MEGF10: variants seen among roughly 807,000 people sequenced by gnomAD.
MEGF10 encodes multiple EGF like domains 10.
Under a neutral mutation model 147.5 loss-of-function variants are expected in MEGF10, and 86 were observed. The ratio of observed to expected loss-of-function variants is 0.58; its 90% confidence interval spans 0.49 to 0.70. The LOEUF is 0.70. Ranked by LOEUF, MEGF10 falls within the 30% of genes least tolerant of loss-of-function variation. The probability of loss-of-function intolerance (pLI) is 0.00; values close to 1 mark genes in which losing one functional copy is unlikely to be tolerated. For missense variants in MEGF10, 1,329 were observed against 1,487.3 expected, an observed-to-expected ratio of 0.89 and a Z score of 1.75; for synonymous variants, 478 against 525.5, an observed-to-expected ratio of 0.91 and a Z score of 1.24.
intron 5 of MEGF10, among the ~76,000 whole-genome samples, chr5:127,379,748 C>T (rs1179396717): frequency 6.6e-6 from 1 of 151,912 alleles, no homozygotes; most frequent in Non-Finnish European, 1.5e-5. Context: ...TACAGGCGCC[C>T]ACCACCATGC....
At chr5:127,447,434 C>T in intron 20 of MEGF10, 123 bp from the exon 21 acceptor site, 3 of 1,346,250 alleles carry the variant, frequency 2.2e-6, no homozygotes, top group East Asian at 2.4e-5. Flanking sequence ...GCCTTGGCCT[C>T]CCAAAGTGCT....
the MEGF10 span, among the ~76,000 whole-genome samples, chr5:127,270,259 A>T: frequency 1.3e-5 from 2 of 152,228 alleles, no homozygotes; most frequent in Non-Finnish European, 2.9e-5. Flanking sequence ...AAATGGGCTA[A>T]ATGCTCCAAT....
chr5:127,264,598 C>G, the MEGF10 span, among the ~76,000 whole-genome samples: 1 of 152,098 alleles, frequency 6.6e-6, no homozygotes, highest in Non-Finnish European at 1.5e-5. Flanking sequence ...CTATGTTGCA[C>G]TCTCCATCAG....
the MEGF10 span, among the ~76,000 whole-genome samples, chr5:127,231,981 G>A: frequency 6.6e-6 from 1 of 152,240 alleles, no homozygotes; most frequent in Non-Finnish European, 1.5e-5. Flanking sequence ...CAGACACTGT[G>A]ATGGAGTTTA....
the MEGF10 span, among the ~76,000 whole-genome samples, chr5:127,233,185 G>C: frequency 1.3e-5 from 2 of 152,190 alleles, no homozygotes; most frequent in Non-Finnish European, 2.9e-5. Flanking sequence ...TGGAAGCCCT[G>C]TTGCCAAGGG....
the MEGF10 span, among the ~76,000 whole-genome samples, chr5:127,244,308 T>A: frequency 6.7e-6 from 1 of 149,372 alleles, no homozygotes; most frequent in Admixed American, 6.7e-5. Flanking sequence ...GAAATAGTAT[T>A]ATTGGGCTAT....
chr5:127,366,496 C>T lies in MEGF10; in HGVS notation c.320-3414C>T, dbSNP rs970617666. Among the ~76,000 whole-genome samples the T allele has an allele frequency of 2.6e-5, 4 of 152,158 alleles. No homozygotes were observed. In the South Asian group the frequency reaches 8.3e-4, roughly 32 times the overall value. ...CATTATTTGCCTTTAGGCATCAATG[C>T]TCAGAGGTGATTCCATTGGCTTTAG... On this transcript the variant is annotated intron_variant, in intron 4 of 24. Transcript: ENST00000503335.
chr5:127,244,367 G>GA, the MEGF10 span, among the ~76,000 whole-genome samples: 5,267 of 105,372 alleles, frequency 0.05, 121 homozygotes, highest in Non-Finnish European at 0.067. Context: ...GCGAGACTCC[G>GA]AAAAAAAAAA....
At chr5:127,244,281 G>A in the MEGF10 span, among the ~76,000 whole-genome samples, 128 of 148,916 alleles carry the variant, frequency 8.6e-4, no homozygotes, top group Non-Finnish European at 1.6e-3. Flanking sequence ...CAAGAGGCAG[G>A]AAAGATGAAA....
At chr5:127,292,874 G>A (rs1490406527) in intron 1 of MEGF10, among the ~76,000 whole-genome samples, 2 of 145,126 alleles carry the variant, frequency 1.4e-5, no homozygotes, top group South Asian at 2.2e-4. Flanking sequence ...TTTAAAAATG[G>A]CTATGCATGA....
chr5:127,431,120 G>A (rs1765375765), intron 13 of MEGF10, among the ~76,000 whole-genome samples: 3 of 152,126 alleles, frequency 2.0e-5, no homozygotes, highest in Admixed American at 1.3e-4. Context: ...GCTATAGGGT[G>A]GGCCTTGTTA....
chr5:127,257,846 A>G, the MEGF10 span, among the ~76,000 whole-genome samples: 78 of 152,368 alleles, frequency 5.1e-4, no homozygotes, highest in Non-Finnish European at 7.9e-4. Flanking sequence ...AGGTATGTAC[A>G]TAATTGCTAA....
Position 127,368,479 on chromosome 5 carries a change from T to C in MEGF10, c.320-1431T>C, listed in dbSNP as rs545311106. Reference sequence around the variant, plus strand: ...GGTTTCTTATAACAAATGTATACTTTTCATTAAACTGTTCCTAGCGAATTC... The same window carrying C: ...GGTTTCTTATAACAAATGTATACTTCTCATTAAACTGTTCCTAGCGAATTC... On this transcript the variant is annotated intron_variant, in intron 4 of 24. Coordinates refer to ENST00000503335, the MANE Select transcript of MEGF10 (RefSeq NM_001256545.2). Among the ~76,000 whole-genome samples the C allele has an allele frequency of 2.6e-5, 4 of 152,304 alleles. No individual in the cohort carries two copies. In the South Asian group the frequency reaches 8.3e-4, roughly 32 times the overall value.
upstream of MEGF10, among the ~76,000 whole-genome samples, chr5:127,287,838 T>G (rs1759077238): frequency 6.6e-6 from 1 of 152,044 alleles, no homozygotes; most frequent in Non-Finnish European, 1.5e-5. Flanking sequence ...ACATCTAAGT[T>G]GGAGTCCTAT....
the MEGF10 span, among the ~76,000 whole-genome samples, chr5:127,251,838 C>T: frequency 6.6e-6 from 1 of 151,712 alleles, no homozygotes; most frequent in East Asian, 1.9e-4. Context: ...ATGCAAAAGA[C>T]GTAGTAACAT....
the MEGF10 span, among the ~76,000 whole-genome samples, chr5:127,237,217 C>T: frequency 6.6e-6 from 1 of 152,230 alleles, no homozygotes; most frequent in Non-Finnish European, 1.5e-5. Context: ...TTAACTTCGG[C>T]CAGGCGTGGT....
At chr5:127,440,292 G>A (rs1187008135) in intron 17 of MEGF10, among the ~76,000 whole-genome samples, 1 of 152,154 alleles carries the variant, frequency 6.6e-6, no homozygotes, top group Non-Finnish European at 1.5e-5. Context: ...AGTGGACAAG[G>A]CTAGTAGCAA....
At chr5:127,380,288 A>G (rs1278295240) in intron 5 of MEGF10, among the ~76,000 whole-genome samples, 1 of 152,146 alleles carries the variant, frequency 6.6e-6, no homozygotes, top group African/African-American at 2.4e-5. Context: ...GATGAGTAAG[A>G]CACTGCCTCT....
chr5:127,298,682 A>G (rs1349028953), intron 1 of MEGF10, among the ~76,000 whole-genome samples: 1 of 152,086 alleles, frequency 6.6e-6, no homozygotes, highest in Admixed American at 6.5e-5. Flanking sequence ...GTGTGTTTTT[A>G]AATTTTAGTG....
Sources: allele counts gnomAD v4.1 joint callset (sites outside exome capture counted in the v4.1 genomes callset), GRCh38; gene constraint gnomAD v4.1.1; transcripts MANE v1.5; gene names NCBI Gene and HGNC (gene_info 2026-07-23, HGNC 2026-07-21).